Variants in SLC5A1 observed in about 807,000 individuals in gnomAD.
SLC5A1 encodes solute carrier family 5 member 1.
Under a neutral mutation model 73.5 loss-of-function variants are expected in SLC5A1, and 42 were observed. The observed-to-expected ratio is 0.57, with a 90% CI of 0.45 to 0.74. The LOEUF (loss-of-function observed/expected upper bound fraction) is 0.74. Ranked by LOEUF, SLC5A1 falls within the 30% of genes least tolerant of loss-of-function variation. The pLI is 0.00. For missense variants in SLC5A1, 634 were observed against 855.4 expected, an observed-to-expected ratio of 0.74 and a Z score of 3.23; for synonymous variants, 300 against 317.4, an observed-to-expected ratio of 0.95 and a Z score of 0.58.
intron 5 of SLC5A1, among the ~76,000 whole-genome samples, chr22:32,074,480 C>T (rs865933594): frequency 1.3e-5 from 2 of 152,130 alleles, no homozygotes; most frequent in Admixed American, 6.5e-5. Flanking sequence ...TCCTTACCCT[C>T]GTCACCCTCC....
At chr22:32,048,881 G>A (rs1424882113) in intron 1 of SLC5A1, among the ~76,000 whole-genome samples, 2 of 151,840 alleles carry the variant, frequency 1.3e-5, no homozygotes, top group African/African-American at 2.4e-5. Flanking sequence ...GACCAGCCTG[G>A]CCAATATGGT....
Position 32,084,873 on chromosome 22 carries a change from C to T in SLC5A1, c.886-27C>T, listed in dbSNP as rs373255666. The T allele has an allele frequency of 6.2e-6, 10 of 1,613,646 alleles. No individual in the cohort carries two copies. The African/African-American group carries it at 9.3e-5, about 15-fold the overall frequency. On this transcript the variant is annotated intron_variant, in intron 8 of 14. Transcript: ENST00000266088. ...TGTCACAGGGTCTCTGGTCTGCACA[C>T]CTCCCTTACTGGGCTTTTTCTGGCA... is the stretch of plus-strand genomic sequence containing the variant.
intron 13 of SLC5A1, among the ~76,000 whole-genome samples, chr22:32,104,573 T>C (rs766543793): frequency 1.3e-5 from 2 of 152,260 alleles, no homozygotes; most frequent in Non-Finnish European, 2.9e-5. Flanking sequence ...GCATATATCA[T>C]AGAGGCTAGT....
intron 5 of SLC5A1, among the ~76,000 whole-genome samples, chr22:32,071,747 T>A (rs117098698): frequency 0.044 from 6,761 of 152,204 alleles, 187 homozygotes; most frequent in Middle Eastern, 0.061. Flanking sequence ...TTGCAAAAGA[T>A]CTGCCCTGGG....
chr22:32,099,101 AAAAAATATAT>A (rs57737939), intron 11 of SLC5A1, 72 bp from the exon 12 acceptor site: 1,552 of 130,772 alleles, frequency 0.012, 8 homozygotes, highest in Admixed American at 0.03. Flanking sequence ...AAAAAAAAAA[AAAAAATATAT>A]ATATATATAT....
intron 1 of SLC5A1, among the ~76,000 whole-genome samples, chr22:32,046,085 C>T (rs2093936806): frequency 6.6e-6 from 1 of 152,210 alleles, no homozygotes; most frequent in Non-Finnish European, 1.5e-5. Flanking sequence ...GTCATTTGAA[C>T]CGACAGCATC....
chr22:32,063,953 CTT>C (rs1177386824), intron 2 of SLC5A1, among the ~76,000 whole-genome samples: 1 of 152,202 alleles, frequency 6.6e-6, no homozygotes, highest in African/African-American at 2.4e-5. Context: ...ATTCCACTCT[CTT>C]CTCAGATAGT....
chr22:32,047,940 C>T (rs953576393), intron 1 of SLC5A1, among the ~76,000 whole-genome samples: 1 of 152,062 alleles, frequency 6.6e-6, no homozygotes, highest in East Asian at 1.9e-4. Flanking sequence ...GCGGGCAGAT[C>T]ACCTGAGATC....
chr22:32,059,427 G>A (rs1036164756), intron 2 of SLC5A1: 1 of 788,718 alleles, frequency 1.3e-6, no homozygotes, highest in Non-Finnish European at 1.5e-6. Flanking sequence ...GATGAGGGAA[G>A]TGTTTTTATA....
At chr22:32,046,855 T>C (rs1390352228) in intron 1 of SLC5A1, among the ~76,000 whole-genome samples, 3 of 152,224 alleles carry the variant, frequency 2.0e-5, no homozygotes, top group Admixed American at 6.5e-5. Flanking sequence ...CATTCTCTTG[T>C]AGTTGTAGAG....
At chr22:32,085,150 C>CT in intron 9 of SLC5A1, 115 bp downstream of exon 9, 1 of 1,247,344 alleles carries the variant, frequency 8.0e-7, no homozygotes, top group Non-Finnish European at 1.2e-6. Context: ...AGGTCTCACT[C>CT]TGTCACCCAG....
intron 2 of SLC5A1, among the ~76,000 whole-genome samples, chr22:32,066,494 A>G (rs986199040): frequency 1.1e-4 from 16 of 152,164 alleles, no homozygotes; most frequent in African/African-American, 3.9e-4. Context: ...TCTCAAGAAA[A>G]TTGTCAGTGT....
chr22:32,099,185 T>G lies in SLC5A1; in HGVS notation c.1283T>G (p.Leu428Trp). 6.2e-7 allele frequency: 1 copy of G among 1,606,558 alleles called. No homozygotes were observed. The highest frequency in any genetic ancestry group is 8.5e-7 in the Non-Finnish European group (1 of 1,176,430). The part of the protein sequence containing the change: ...SEKELMIAGR[L>W]FILVLIGISI... ...TGTTGTGGGGGCTTTAATTTCAGGT[T>G]GTTTATCCTGGTGCTGATTGGCATC... The change falls in exon 12 of 15, where the codon TTG (leucine) becomes TGG (tryptophan). Residue 428 changes from leucine to tryptophan, a missense_variant and splice_region_variant. Leu to Trp is a moderately conservative substitution (Grantham distance 61). Transcript: ENST00000266088.
intron 5 of SLC5A1, among the ~76,000 whole-genome samples, chr22:32,079,139 C>CA (rs2093995648): frequency 1.3e-5 from 2 of 151,884 alleles, no homozygotes; most frequent in South Asian, 4.2e-4. Flanking sequence ...AACAAACAAA[C>CA]AAACAAAAAA....
intron 2 of SLC5A1, among the ~76,000 whole-genome samples, chr22:32,066,236 C>T (rs1040408919): frequency 8.5e-5 from 13 of 152,160 alleles, no homozygotes; most frequent in African/African-American, 3.1e-4. Context: ...TGTATTTAGA[C>T]ATGTGCGTAT....
intron 2 of SLC5A1, among the ~76,000 whole-genome samples, chr22:32,053,393 C>A (rs965159341): frequency 1.4e-5 from 2 of 138,412 alleles, no homozygotes; most frequent in African/African-American, 5.0e-5. Context: ...TCTCTTTCCC[C>A]TCTCTTCTCT....
chr22:32,085,821 A>G (rs1569311293), intron 9 of SLC5A1, among the ~76,000 whole-genome samples: 1 of 152,142 alleles, frequency 6.6e-6, no homozygotes, highest in African/African-American at 2.4e-5. Flanking sequence ...TTGGAAAGGA[A>G]TATCCTGTTT....
chr22:32,100,063 T>C (rs570532753), intron 12 of SLC5A1, among the ~76,000 whole-genome samples: 2 of 152,252 alleles, frequency 1.3e-5, no homozygotes, highest in African/African-American at 4.8e-5. Context: ...AGGGAAGACA[T>C]GGCATTCAAG....
chr22:32,086,787 T>C (rs1466880696), intron 10 of SLC5A1, among the ~76,000 whole-genome samples: 1 of 152,160 alleles, frequency 6.6e-6, no homozygotes, highest in Non-Finnish European at 1.5e-5. Flanking sequence ...TGAAGAGATA[T>C]CTGCTCTCCC....
Sources: allele counts gnomAD v4.1 joint callset (sites outside exome capture counted in the v4.1 genomes callset), GRCh38; gene constraint gnomAD v4.1.1; transcripts MANE v1.5; gene names NCBI Gene and HGNC (gene_info 2026-07-23, HGNC 2026-07-21).